Variants in IL7 observed in about 807,000 individuals in gnomAD.
IL7 encodes the protein interleukin-7.
Under a neutral mutation model 21.6 loss-of-function variants are expected in IL7, and 3 were observed. The observed-to-expected ratio is 0.14, with a 90% CI of 0.06 to 0.36. IL7 has a LOEUF of 0.36. Ranked by LOEUF, IL7 falls within the 10% of genes least tolerant of loss-of-function variation. The pLI is 1.00. For synonymous variants in IL7, 62 were observed against 68.1 expected (o/e 0.91, Z 0.44); for missense variants, 175 against 200.2 (o/e 0.87, Z 0.76).
At chr8:78,767,246 C>G (rs1300219586) in intron 2 of IL7, among the ~76,000 whole-genome samples, 3 of 151,380 alleles carry the variant, frequency 2.0e-5, no homozygotes, top group African/African-American at 4.8e-5. Flanking sequence ...GTGTTTATCT[C>G]TTATATAGTG....
At position 78,800,827 on chromosome 8, in the gene IL7, TAATAA is replaced by T. The variant is rs1412922250; in HGVS notation, c.11-2624_11-2620del. Among the ~76,000 whole-genome samples, 3 of 152,290 alleles carry T rather than the reference TAATAA, an allele frequency of 2.0e-5. No homozygotes were observed. The East Asian group carries it at 5.8e-4, about 29-fold the overall frequency. ...CTTGAAATGAGCTTAAAGGAGAATA[TAATAA>T]AATAATTAAATGCTAGAGTGAAAGG... On this transcript the variant is annotated intron_variant, in intron 1 of 5. Coordinates refer to ENST00000263851, the MANE Select transcript of IL7 (RefSeq NM_000880.4).
intron 2 of IL7, among the ~76,000 whole-genome samples, chr8:78,746,264 T>C (rs1464126606): frequency 6.6e-6 from 1 of 152,230 alleles, no homozygotes; most frequent in Non-Finnish European, 1.5e-5. Flanking sequence ...GAGCTTCTAG[T>C]TCATCTTTCA....
chr8:78,804,882 G>A lies in IL7; in HGVS notation c.10+31C>T, dbSNP rs765609890. 4 of 1,612,466 alleles carry A rather than the reference G, an allele frequency of 2.5e-6. No homozygotes were observed. In the Admixed American group the frequency reaches 5.0e-5, roughly 20 times the overall value. On this transcript the variant is annotated intron_variant, in intron 1 of 5. Coordinates refer to ENST00000263851, the MANE Select transcript of IL7 (RefSeq NM_000880.4). Reference sequence around the variant, plus strand: ...GATTGCCCCGGCGCGTCGGGCGCGCGAACTTGTGCGCAAGGGAGAAGAGCG... The same window carrying A: ...GATTGCCCCGGCGCGTCGGGCGCGCAAACTTGTGCGCAAGGGAGAAGAGCG...
intron 3 of IL7, among the ~76,000 whole-genome samples, chr8:78,687,778 A>T (rs1302679848): frequency 1.5e-5 from 2 of 131,010 alleles, no homozygotes; most frequent in African/African-American, 5.7e-5. Context: ...CATTATATAT[A>T]TATTTACGTA....
intron 2 of IL7, among the ~76,000 whole-genome samples, chr8:78,752,936 A>G (rs576050804): frequency 6.6e-6 from 1 of 152,114 alleles, no homozygotes; most frequent in East Asian, 1.9e-4. Context: ...ATTATTTTTT[A>G]TGGCTGTATA....
Position 78,696,965 on chromosome 8 carries a change from C to T in IL7, n.215-11018G>A, listed in dbSNP as rs543531747. Among the ~76,000 whole-genome samples the T allele has an allele frequency of 1.2e-4, 18 of 152,094 alleles. No homozygotes were observed. In the East Asian group the frequency reaches 3.3e-3, roughly 28 times the overall value. ...TTTGAGGAAGTTTTTTCCGTTAGAC[C>T]TTTTTTTCTTTTTCCTGTGAACTGA... On this transcript the variant is annotated intron_variant and non_coding_transcript_variant, in intron 3 of 4. Coordinates refer to the IL7 transcript ENST00000523959.
intron 2 of IL7, among the ~76,000 whole-genome samples, chr8:78,781,853 C>T (rs1304600959): frequency 6.6e-6 from 1 of 152,102 alleles, no homozygotes; most frequent in Non-Finnish European, 1.5e-5. Context: ...TTTCACGTAC[C>T]CCAATCAGGC....
At chr8:78,777,633 C>A (rs773478963) in intron 2 of IL7, among the ~76,000 whole-genome samples, 10 of 152,028 alleles carry the variant, frequency 6.6e-5, no homozygotes, top group Non-Finnish European at 1.3e-4. Context: ...ATAAAAATTA[C>A]TGATTGAATG....
In IL7 at chr8:78,733,652, C is replaced by T; in HGVS notation, c.*61G>A. 1 of 1,552,638 alleles carries T rather than the reference C, an allele frequency of 6.4e-7. No homozygotes were observed. Among genetic ancestry groups the T allele is most frequent in the Non-Finnish European group, 8.7e-7 (1 of 1,147,716 alleles). ...ATTCCACTCTGAAAAACTGCATAAGCAGATAGATTCTTGGAGGATGCAGCT... is the reference window on the plus strand; with the variant it reads ...ATTCCACTCTGAAAAACTGCATAAGTAGATAGATTCTTGGAGGATGCAGCT... On this transcript the variant is annotated 3_prime_UTR_variant, in exon 6 of 6. Coordinates refer to ENST00000263851, the MANE Select transcript of IL7 (RefSeq NM_000880.4).
chr8:78,761,974 G>A, intron 2 of IL7: 1 of 1,608,380 alleles, frequency 6.2e-7, no homozygotes, highest in Non-Finnish European at 8.5e-7. Flanking sequence ...GAGGTAAAAT[G>A]TCCTCATCTT....
At chr8:78,722,227 T>A (rs1811254208) in intron 3 of IL7, among the ~76,000 whole-genome samples, 1 of 152,000 alleles carries the variant, frequency 6.6e-6, no homozygotes, top group African/African-American at 2.4e-5. Context: ...AATCTGAAAC[T>A]GCCGCCTTTT....
intron 2 of IL7, among the ~76,000 whole-genome samples, chr8:78,769,233 G>T (rs1204487595): frequency 6.6e-6 from 1 of 151,914 alleles, no homozygotes; most frequent in Non-Finnish European, 1.5e-5. Context: ...AGGAAAAGAG[G>T]AAGTCAAATT....
chr8:78,805,119 C>T lies in IL7; in HGVS notation c.-197G>A, dbSNP rs1413316929. The T allele has an allele frequency of 3.5e-6, 2 of 565,916 alleles. No homozygotes were observed. Among genetic ancestry groups the T allele is most frequent in the Admixed American group, 6.8e-5 (2 of 29,600 alleles). The allele number at this position is 565,916 out of a possible 1,614,324, so 35.1% of individuals were successfully genotyped here. A position where few individuals can be genotyped will look rare whatever the true frequency, so the allele number is the denominator to read the frequency against. On this transcript the variant is annotated 5_prime_UTR_variant, in exon 1 of 6. In the 5' UTR this introduces an upstream ATG that the reference lacks. Transcript: ENST00000263851. ...TCCATCCCAAGGGGGGCGGCACACA[C>T]TACGGCGTGGCTCTGCGCTTTGCCT...
downstream of IL7, chr8:78,675,646 A>G (rs576733566): frequency 2.9e-6 from 2 of 678,002 alleles, no homozygotes; most frequent in South Asian, 4.3e-5. Flanking sequence ...TTCATAGATA[A>G]TTTTGCTTAT....
intron 3 of IL7, among the ~76,000 whole-genome samples, chr8:78,688,297 G>A (rs955572077): frequency 2.0e-5 from 3 of 152,054 alleles, no homozygotes; most frequent in African/African-American, 7.2e-5. Flanking sequence ...GAGGGTACCA[G>A]TTCTTCAGGA....
At chr8:78,793,744 A>T (rs1586112581) in intron 2 of IL7, among the ~76,000 whole-genome samples, 1 of 152,156 alleles carries the variant, frequency 6.6e-6, no homozygotes, top group Non-Finnish European at 1.5e-5. Flanking sequence ...CCTCTGTAGC[A>T]TGTGATACTG....
intron 3 of IL7, among the ~76,000 whole-genome samples, chr8:78,703,966 A>AACAGGTCTTGTAAC (rs1332879974): frequency 6.6e-6 from 1 of 152,160 alleles, no homozygotes; most frequent in Non-Finnish European, 1.5e-5. Flanking sequence ...GAGCTCTTGT[A>AACAGGTCTTGTAAC]AGGCAGGTCT....
At chr8:78,700,428 G>A (rs1300247990) in intron 3 of IL7, among the ~76,000 whole-genome samples, 1 of 151,756 alleles carries the variant, frequency 6.6e-6, no homozygotes, top group East Asian at 1.9e-4. Context: ...TGCATAATTT[G>A]CAAATATTTG....
Position 78,804,375 on chromosome 8 carries a change from C to T in IL7, c.10+538G>A, listed in dbSNP as rs530100323. Among the ~76,000 whole-genome samples, 18 of 152,288 alleles carry T rather than the reference C, an allele frequency of 1.2e-4. 1 individual carries two copies. The East Asian group carries it at 2.9e-3, about 25-fold the overall frequency. On this transcript the variant is annotated intron_variant, in intron 1 of 5. Transcript: ENST00000263851. ...AATAGGCGCAAGGTACAGCCCTTGCCGGAAACTCCCAGTCTTACTCAGGGG... is the reference window on the plus strand; with the variant it reads ...AATAGGCGCAAGGTACAGCCCTTGCTGGAAACTCCCAGTCTTACTCAGGGG...
Sources: allele counts gnomAD v4.1 joint callset (sites outside exome capture counted in the v4.1 genomes callset), GRCh38; gene constraint gnomAD v4.1.1; transcripts MANE v1.5; gene names NCBI Gene and HGNC (gene_info 2026-07-23, HGNC 2026-07-21).